The following SLC34A2 variants were observed in gnomAD, a reference collection of about 807,000 sequenced individuals.
SLC34A2 encodes the protein sodium-dependent phosphate transport protein 2B.
In SLC34A2, 41 loss-of-function variants were observed where a neutral mutation model predicts 50.8. The observed-to-expected ratio is 0.81, with a 90% confidence interval of 0.63 to 1.05. SLC34A2 has a LOEUF of 1.05. Among genes scored for constraint, SLC34A2 ranks in the 50% least tolerant of loss-of-function variants. The pLI, the probability that SLC34A2 is intolerant of heterozygous loss-of-function variation, is 0.00. For missense variants in SLC34A2, 879 were observed against 876.7 expected (o/e 1.00, Z -0.03); for synonymous variants, 401 against 364.2 (o/e 1.10, Z -1.15).
chr4:25,656,898 C>T (rs144403899), intron 1 of SLC34A2, among the ~76,000 whole-genome samples: 1 of 152,286 alleles, frequency 6.6e-6, no homozygotes, highest in East Asian at 1.9e-4. Context: ...CTTTTTCCTT[C>T]TTCCCTTGTG....
rs560000806 is a variant in SLC34A2 at position 25,667,909 on chromosome 4, A to G, written c.553A>G (p.Ile185Val). Residue 185 changes from isoleucine (I) to valine (V), a missense_variant, in exon 6 of 13, where the codon ATC (isoleucine) becomes GTC (valine). Physicochemically the swap from Ile to Val is conservative, Grantham distance 29. Transcript: ENST00000382051. ...LLTVRAAIPIIMGANIGTSIT... is the reference protein window; with the variant it reads ...LLTVRAAIPIVMGANIGTSIT... ...CACTGTTCGGGCTGCCATCCCCATT[A>G]TCATGGGGGCCAACATTGGAACGTC... 6.2e-7 allele frequency: 1 copy of G among 1,613,866 alleles called. No individual in the cohort carries two copies. Among genetic ancestry groups the G allele is most frequent in the South Asian group, 1.1e-5 (1 of 91,066 alleles).
intron 9 of SLC34A2, among the ~76,000 whole-genome samples, chr4:25,672,229 T>C (rs536485019): frequency 6.6e-6 from 1 of 152,174 alleles, no homozygotes; most frequent in South Asian, 2.1e-4. Context: ...CCAGCCAAGA[T>C]TGCACCACTA....
In SLC34A2 at chr4:25,674,405, C is replaced by G. The variant is rs76213126; in HGVS notation, c.1326C>G (p.Pro442=). 3.1e-6 allele frequency: 5 copies of G among 1,614,102 alleles called. No individual in the cohort carries two copies. Among genetic ancestry groups the G allele is most frequent in the African/African-American group, 1.3e-5 (1 of 74,932 alleles). The change falls in exon 11 of 13, where the codon CCC becomes CCG. Residue 442 remains proline, a synonymous_variant. Transcript: ENST00000382051. ...CTGTGTTCACGTCGGCCTTGACCCC[C>G]CTGATTGGTGAGTTACACCCTGGCT... is the stretch of plus-strand genomic sequence containing the variant. The part of the protein sequence containing the change: ...SSSVFTSALT[P]LIGIGVITIE...
At chr4:25,671,201 C>T (rs1714796650) in intron 8 of SLC34A2, among the ~76,000 whole-genome samples, 1 of 152,190 alleles carries the variant, frequency 6.6e-6, no homozygotes, top group Non-Finnish European at 1.5e-5. Flanking sequence ...TGTCCTCTCT[C>T]TTACTTTCCA....
At position 25,666,267 on chromosome 4, in the gene SLC34A2, T is replaced by G. The variant is rs1714499219; in HGVS notation, c.519T>G (p.Ser173=). The G allele has an allele frequency of 6.2e-7, 1 of 1,613,742 alleles. No homozygotes were observed. Among genetic ancestry groups the G allele is most frequent in the African/African-American group, 1.3e-5 (1 of 74,924 alleles). The part of the protein sequence containing the change: ...STSIVVSMVS[S]SLLTVRAAIP... ...CCATCGTTGTCAGCATGGTGTCCTC[T>G]TCATGTGAGTCGGGGCACCCATGAG... Residue 173 remains serine (S), a synonymous_variant, in exon 5 of 13, where the codon TCT becomes TCG. Coordinates refer to ENST00000382051, the MANE Select transcript of SLC34A2 (RefSeq NM_006424.3).
In SLC34A2 at chr4:25,678,582, T is replaced by A. The variant is rs2109064952; in HGVS notation, c.*1833T>A. 1 of 262,926 alleles carries A rather than the reference T, an allele frequency of 3.8e-6. No individual in the cohort carries two copies. The highest frequency in any genetic ancestry group is 7.3e-5 in the East Asian group (1 of 13,774). The allele number at this position is 262,926 out of a possible 1,614,324, so 16.3% of individuals were successfully genotyped here. On this transcript the variant is annotated 3_prime_UTR_variant, in exon 13 of 13. Transcript: ENST00000382051. ...ATAATTTTGAGACCAGGTCTCGCTG[T>A]GTTGCTCAGGCTGGTCTCAAACTCC...
chr4:25,669,041 G>A (rs1392832715), intron 6 of SLC34A2, among the ~76,000 whole-genome samples: 2 of 151,822 alleles, frequency 1.3e-5, no homozygotes, highest in African/African-American at 4.8e-5. Context: ...TTTTAGCCTT[G>A]TTTCCCATGG....
intron 10 of SLC34A2, among the ~76,000 whole-genome samples, chr4:25,673,989 G>A (rs1714964245): frequency 6.6e-6 from 1 of 152,188 alleles, no homozygotes; most frequent in Non-Finnish European, 1.5e-5. Flanking sequence ...GGCAGGCGAG[G>A]AAGCATGCTC....
chr4:25,667,810 G>C, intron 5 of SLC34A2, 70 bp from the exon 6 acceptor site: 3 of 968,602 alleles, frequency 3.1e-6, no homozygotes, highest in Non-Finnish European at 5.0e-6. Flanking sequence ...GAGGATACCA[G>C]CATAGGTAAC....
At chr4:25,656,268 C>A (rs925435418) in intron 1 of SLC34A2, among the ~76,000 whole-genome samples, 1 of 152,148 alleles carries the variant, frequency 6.6e-6, no homozygotes. Flanking sequence ...AGCCATGTGA[C>A]AACGCTAGTC....
At chr4:25,671,152 GGAAGTAGTCCA>G (rs1714793487) in intron 8 of SLC34A2, among the ~76,000 whole-genome samples, 1 of 152,150 alleles carries the variant, frequency 6.6e-6, no homozygotes, top group Non-Finnish European at 1.5e-5. Flanking sequence ...AGAGACTTGT[GGAAGTAGTCCA>G]GCACGCCCTA....
Position 25,662,758 on chromosome 4 carries a change from A to G in SLC34A2, c.166A>G (p.Thr56Ala). The G allele has an allele frequency of 6.2e-7, 1 of 1,613,962 alleles. No homozygotes were observed. The highest frequency in any genetic ancestry group is 8.5e-7 in the Non-Finnish European group (1 of 1,180,002). ...TKIELLPSYS[T>A]ATLIDEPTEV... ...GATTGAACTTCTGCCGTCCTACTCC[A>G]CGGCTACACTGATAGATGAGCCCAC... Residue 56 changes from threonine to alanine, a missense_variant, in exon 3 of 13, where the codon ACG (threonine) becomes GCG (alanine). Coordinates refer to ENST00000382051, the MANE Select transcript of SLC34A2 (RefSeq NM_006424.3).
At chr4:25,660,614 C>T (rs1481305452) in intron 1 of SLC34A2, among the ~76,000 whole-genome samples, 1 of 152,172 alleles carries the variant, frequency 6.6e-6, no homozygotes, top group African/African-American at 2.4e-5. Flanking sequence ...GATGTGATCT[C>T]AGCTCACTGC....
intron 1 of SLC34A2, among the ~76,000 whole-genome samples, chr4:25,660,883 T>C (rs1213719415): frequency 6.6e-6 from 1 of 152,228 alleles, no homozygotes; most frequent in Non-Finnish European, 1.5e-5. Context: ...TAGCCATTTG[T>C]TCCTTTTCTG....
chr4:25,672,729 T>C (rs1220454639), intron 9 of SLC34A2, among the ~76,000 whole-genome samples: 1 of 152,026 alleles, frequency 6.6e-6, no homozygotes, highest in Non-Finnish European at 1.5e-5. Context: ...TTACTTTGAC[T>C]TGCCCATCGA....
Position 25,671,647 on chromosome 4 carries a change from C to T in SLC34A2, c.974C>T (p.Pro325Leu), listed in dbSNP as rs142510757. The part of the protein sequence containing the change: ...TVPSTANCTS[P>L]SLCWTDGIQN... ...CCCTCGACTGCTAACTGCACCTCCC[C>T]TTCCCTCTGTTGGACGGATGGCATC... The change falls in exon 9 of 13, where the codon CCT (proline) becomes CTT (leucine). Residue 325 changes from proline to leucine, a missense_variant. Physicochemically the swap from Pro to Leu is moderately conservative, Grantham distance 98. Coordinates refer to ENST00000382051, the MANE Select transcript of SLC34A2 (RefSeq NM_006424.3). 1.2e-4 allele frequency: 188 copies of T among 1,614,198 alleles called. 1 individual carries two copies. The African/African-American group carries it at 2.2e-3, about 19-fold the overall frequency.
rs1360541342 is a variant in SLC34A2 at position 25,674,503 on chromosome 4, A to G, written c.1334-2A>G. ...TATGTTTGTGTTTTGTGTTTCCCCC[A>G]GGAATCGGCGTGATAACCATTGAGA... On this transcript the variant is annotated splice_acceptor_variant, in intron 11 of 12. Coordinates refer to ENST00000382051, the MANE Select transcript of SLC34A2 (RefSeq NM_006424.3). LOFTEE classifies it high-confidence loss of function. 8.7e-6 allele frequency: 14 copies of G among 1,614,192 alleles called. No individual in the cohort carries two copies. Among genetic ancestry groups the G allele is most frequent in the South Asian group, 2.2e-5 (2 of 91,086 alleles).
intron 8 of SLC34A2, among the ~76,000 whole-genome samples, 191 bp downstream of exon 8, chr4:25,671,024 C>G (rs1248370265): frequency 6.6e-6 from 1 of 152,202 alleles, no homozygotes; most frequent in East Asian, 1.9e-4. Flanking sequence ...TGCAGGTAAA[C>G]AGTAGGACAG....
rs1714717955 is a variant in SLC34A2 at position 25,669,790 on chromosome 4, CCCCAGATCTT to C, written c.781_790del (p.Pro261Ter). ...TTCCACTTCAAGAATGGAGAAGATG[CCCCAGATCTT>C]CTGAAAGTCATCACTAAGCCCTTCA... is the stretch of plus-strand genomic sequence containing the variant. On this transcript the variant is annotated frameshift_variant, in exon 7 of 13. Coordinates refer to ENST00000382051, the MANE Select transcript of SLC34A2 (RefSeq NM_006424.3). LOFTEE classifies it high-confidence loss of function. 2.0e-5 allele frequency: 33 copies of C among 1,614,108 alleles called. No individual in the cohort carries two copies. Among genetic ancestry groups the C allele is most frequent in the Non-Finnish European group, 2.8e-5 (33 of 1,179,984 alleles).
Sources: allele counts gnomAD v4.1 joint callset (sites outside exome capture counted in the v4.1 genomes callset), GRCh38; gene constraint gnomAD v4.1.1; transcripts MANE v1.5; gene names NCBI Gene and HGNC (gene_info 2026-07-23, HGNC 2026-07-21).